The following CDKN3 variants were observed in gnomAD, a reference collection of about 807,000 sequenced individuals.
CDKN3 encodes cyclin-dependent kinase inhibitor 3.
In CDKN3, 19 loss-of-function variants were observed where a neutral mutation model predicts 36.1. The ratio of observed to expected loss-of-function variants is 0.53; its 90% CI spans 0.37 to 0.77. The LOEUF (loss-of-function observed/expected upper bound fraction) is 0.77. Among genes scored for constraint, CDKN3 ranks in the 30% least tolerant of loss-of-function variants. The pLI is 0.00. For synonymous variants in CDKN3, 71 were observed against 85.3 expected (o/e 0.83, Z 0.92); for missense variants, 188 against 248.6 (o/e 0.76, Z 1.64).
chr14:54,407,465 G>A (rs566273363), intron 3 of CDKN3, among the ~76,000 whole-genome samples: 6 of 152,348 alleles, frequency 3.9e-5, no homozygotes, highest in African/African-American at 1.4e-4. Context: ...TCCGCCAGGT[G>A]CTCTCTCCTA....
At chr14:54,413,355 C>CT (rs59686136) in intron 5 of CDKN3, among the ~76,000 whole-genome samples, 26,304 of 141,528 alleles carry the variant, frequency 0.19, 5,071 homozygotes, top group African/African-American at 0.48. Context: ...ATTTTGAGAT[C>CT]TTTTTTTTTT....
At chr14:54,402,312 G>A (rs913765661) in intron 3 of CDKN3, among the ~76,000 whole-genome samples, 1 of 134,238 alleles carries the variant, frequency 7.4e-6, no homozygotes, top group African/African-American at 3.7e-5. Context: ...GTGTGTGCGT[G>A]TGTGTGTGTG....
At chr14:54,404,520 T>A (rs2030077709) in intron 3 of CDKN3, among the ~76,000 whole-genome samples, 1 of 152,154 alleles carries the variant, frequency 6.6e-6, no homozygotes, top group African/African-American at 2.4e-5. Flanking sequence ...ATTCATTGAT[T>A]TTTTGAATGG....
In CDKN3 at chr14:54,408,574, GTAATTATA is replaced by G. The variant is rs769406768; in HGVS notation, c.149-169_149-162del. 1.5e-5 allele frequency: 12 copies of G among 774,762 alleles called. No homozygotes were observed. In the African/African-American group the frequency reaches 2.0e-4, roughly 13 times the overall value. The allele number at this position is 774,762 out of a possible 1,614,324, so 48.0% of individuals were successfully genotyped here. On this transcript the variant is annotated intron_variant, in intron 3 of 7. Transcript: ENST00000335183. ...GAATCCTTGCTTAGGATGAATCCCTGTAATTATATTCCTAGAAATATAAGAAATTGAAA... is the reference window on the plus strand; with the variant it reads ...GAATCCTTGCTTAGGATGAATCCCTGTTCCTAGAAATATAAGAAATTGAAA...
chr14:54,401,524 G>A lies in CDKN3; in HGVS notation c.93G>A (p.Trp31Ter). 6.2e-7 allele frequency: 1 copy of A among 1,601,598 alleles called. No homozygotes were observed. The highest frequency in any genetic ancestry group is 8.5e-7 in the Non-Finnish European group (1 of 1,173,198). Reference protein sequence around the residue: ...EDEQTPIHISWLSLSRVNCSQ... With the variant: ...EDEQTPIHIS ...CATGAAAAATTTTTCTTCTTTTCAGGCTATCTTTGTCACGAGTGAATTGTT... is the reference window on the plus strand; with the variant it reads ...CATGAAAAATTTTTCTTCTTTTCAGACTATCTTTGTCACGAGTGAATTGTT... Residue 31 changes from tryptophan to a stop codon, truncating the protein, a stop_gained and splice_region_variant, in exon 3 of 8, where the codon TGG becomes TGA. Coordinates refer to ENST00000335183, the MANE Select transcript of CDKN3 (RefSeq NM_005192.4). LOFTEE classifies it high-confidence loss of function.
chr14:54,401,912 A>T (rs747374700), intron 3 of CDKN3, among the ~76,000 whole-genome samples: 3 of 152,138 alleles, frequency 2.0e-5, no homozygotes, highest in Non-Finnish European at 4.4e-5. Context: ...CTTCACTTAG[A>T]ATAATAGTCT....
At chr14:54,419,961 G>A (rs758784876) in intron 7 of CDKN3, 31 bp from the exon 8 acceptor site, 14 of 1,286,962 alleles carry the variant, frequency 1.1e-5, no homozygotes, top group Middle Eastern at 3.9e-4. Flanking sequence ...GTTTTCTACA[G>A]TGTATTCCAA....
chr14:54,406,099 C>T (rs1458325095), intron 3 of CDKN3, among the ~76,000 whole-genome samples: 1 of 152,168 alleles, frequency 6.6e-6, no homozygotes, highest in East Asian at 1.9e-4. Flanking sequence ...ACTTAGGAAG[C>T]TTAGTTTGGC....
At position 54,420,196 on chromosome 14, in the gene CDKN3, T is replaced by C. The variant is rs2139992952; in HGVS notation, c.*118T>C. The C allele has an allele frequency of 1.8e-6, 1 of 544,146 alleles. No individual in the cohort carries two copies. Among genetic ancestry groups the C allele is most frequent in the Non-Finnish European group, 3.2e-6 (1 of 308,144 alleles). The allele number at this position is 544,146 out of a possible 1,614,324, so 33.7% of individuals were successfully genotyped here. ...GAATGTAAATGTACATGTGCAGATA[T>C]TCCTAAAGTTTTATTGACAAAACTC... On this transcript the variant is annotated 3_prime_UTR_variant, in exon 8 of 8. Coordinates refer to ENST00000335183, the MANE Select transcript of CDKN3 (RefSeq NM_005192.4).
chr14:54,414,044 T>C (rs1335759226), intron 5 of CDKN3: 3 of 185,560 alleles, frequency 1.6e-5, no homozygotes, highest in Non-Finnish European at 1.1e-5. Flanking sequence ...GCTGAATCCC[T>C]CCAGTCTGCC....
intron 5 of CDKN3, among the ~76,000 whole-genome samples, chr14:54,415,337 A>G (rs1200249059): frequency 2.0e-5 from 3 of 152,200 alleles, no homozygotes; most frequent in Admixed American, 1.3e-4. Context: ...TGTACATACT[A>G]TTGCTATCAC....
intron 6 of CDKN3, among the ~76,000 whole-genome samples, chr14:54,416,684 G>A (rs2030563942): frequency 6.6e-6 from 1 of 152,148 alleles, no homozygotes. Flanking sequence ...GCATAGTGGT[G>A]CATGCCTGTA....
intron 3 of CDKN3, among the ~76,000 whole-genome samples, chr14:54,403,049 A>G (rs1404307532): frequency 6.6e-6 from 1 of 152,154 alleles, no homozygotes; most frequent in East Asian, 1.9e-4. Flanking sequence ...TTTTTGTTCC[A>G]TATGAAATTT....
At chr14:54,408,520 T>C in intron 3 of CDKN3, 1 of 465,514 alleles carries the variant, frequency 2.1e-6, no homozygotes, top group South Asian at 2.6e-5. Flanking sequence ...TACAACCAGG[T>C]ACTTGTTACA....
chr14:54,418,254 G>T (rs2030615430), intron 7 of CDKN3: 3 of 702,112 alleles, frequency 4.3e-6, no homozygotes, highest in African/African-American at 1.7e-5. Flanking sequence ...TCCGTTTTGG[G>T]AATGGATCCT....
intron 7 of CDKN3, among the ~76,000 whole-genome samples, chr14:54,419,735 T>G (rs1276814697): frequency 6.6e-6 from 1 of 152,200 alleles, no homozygotes; most frequent in Non-Finnish European, 1.5e-5. Context: ...AGAGAAAGAA[T>G]TTTAGACTTA....
intron 1 of CDKN3, among the ~76,000 whole-genome samples, 173 bp from the exon 2 acceptor site, chr14:54,399,721 A>T (rs1318284203): frequency 2.6e-5 from 4 of 152,220 alleles, no homozygotes; most frequent in African/African-American, 9.7e-5. Context: ...AATTATTAAT[A>T]GGAAGGTAAA....
At chr14:54,410,112 G>T (rs1313329981) in intron 4 of CDKN3, among the ~76,000 whole-genome samples, 1 of 152,012 alleles carries the variant, frequency 6.6e-6, no homozygotes, top group Non-Finnish European at 1.5e-5. Flanking sequence ...TATTCATTTA[G>T]CATTTTCTAT....
At chr14:54,410,997 G>A (rs929694339) in intron 4 of CDKN3, among the ~76,000 whole-genome samples, 11 of 151,924 alleles carry the variant, frequency 7.2e-5, no homozygotes, top group African/African-American at 2.7e-4. Flanking sequence ...TGACAAACAT[G>A]GTGAAACCCC....
Sources: allele counts gnomAD v4.1 joint callset (sites outside exome capture counted in the v4.1 genomes callset), GRCh38; gene constraint gnomAD v4.1.1; transcripts MANE v1.5; gene names NCBI Gene and HGNC (gene_info 2026-07-23, HGNC 2026-07-21).